Variants in ARHGAP32 observed in about 807,000 individuals in gnomAD.
ARHGAP32 encodes Rho GTPase activating protein 32, also known as rho GTPase-activating protein 32.
Under a neutral mutation model 186.5 loss-of-function variants are expected in ARHGAP32, and 51 were observed. That is an observed-to-expected ratio of 0.27 (90% CI 0.22 to 0.35). ARHGAP32 has a LOEUF of 0.35. Ranked by LOEUF, ARHGAP32 falls within the 10% of genes least tolerant of loss-of-function variation. ARHGAP32 has a pLI of 1.00. For synonymous variants in ARHGAP32, 950 were observed against 964.3 expected (o/e 0.99, Z 0.27); for missense variants, 2,186 against 2,623.5 (o/e 0.83, Z 3.64).
intron 1 of ARHGAP32, among the ~76,000 whole-genome samples, chr11:129,226,234 T>C (rs1213200412): frequency 6.6e-6 from 1 of 152,176 alleles, no homozygotes; most frequent in African/African-American, 2.4e-5. Context: ...AAAGAAATCA[T>C]GGCCAAAACC....
intron 6 of ARHGAP32, among the ~76,000 whole-genome samples, chr11:129,070,228 G>A (rs946174047): frequency 2.0e-5 from 3 of 152,022 alleles, no homozygotes; most frequent in African/African-American, 4.8e-5. Flanking sequence ...GTTGTCAGAA[G>A]AGTAAGTGAA....
At chr11:129,073,966 A>G (rs1940955238) in intron 6 of ARHGAP32, among the ~76,000 whole-genome samples, 1 of 152,202 alleles carries the variant, frequency 6.6e-6, no homozygotes. Flanking sequence ...ACCCCTACCC[A>G]GCAACCTAGA....
At chr11:129,036,576 G>A (rs1263239061) in intron 11 of ARHGAP32, among the ~76,000 whole-genome samples, 1 of 151,960 alleles carries the variant, frequency 6.6e-6, no homozygotes, top group Non-Finnish European at 1.5e-5. Context: ...AATATGTGCA[G>A]GAAATTAAAT....
intron 10 of ARHGAP32, among the ~76,000 whole-genome samples, chr11:129,043,389 T>TC (rs1378677485): frequency 2.7e-5 from 4 of 146,484 alleles, no homozygotes; most frequent in East Asian, 2.0e-4. Flanking sequence ...TTCTTTTTTT[T>TC]TTTTTTTTTT....
At chr11:129,241,233 T>C (rs1945013386) in intron 1 of ARHGAP32, among the ~76,000 whole-genome samples, 1 of 152,306 alleles carries the variant, frequency 6.6e-6, no homozygotes, top group South Asian at 2.1e-4. Context: ...TTAAAGGACA[T>C]AGATACATGG....
chr11:129,132,940 A>C (rs1014433224), intron 2 of ARHGAP32, among the ~76,000 whole-genome samples: 4 of 152,212 alleles, frequency 2.6e-5, no homozygotes, highest in African/African-American at 7.2e-5. Context: ...TCCCAAATAA[A>C]AAATACTGGC....
rs1343573606 is a variant in ARHGAP32 at position 129,168,237 on chromosome 11, A to G, written c.117-3810T>C. Among the ~76,000 whole-genome samples, 3 of 152,150 alleles carry G rather than the reference A, an allele frequency of 2.0e-5. No homozygotes were observed. In the East Asian group the frequency reaches 5.8e-4, roughly 29 times the overall value. On this transcript the variant is annotated intron_variant, in intron 1 of 22. Coordinates refer to ENST00000682385, the MANE Select transcript of ARHGAP32 (RefSeq NM_001378024.1). ...CTCCAGCCTGGGTGACAGAAAAGCAACTTGTCTCAAAATAAAAAGCAATAA... is the reference window on the plus strand; with the variant it reads ...CTCCAGCCTGGGTGACAGAAAAGCAGCTTGTCTCAAAATAAAAAGCAATAA...
At chr11:129,226,624 C>A (rs1309642153) in intron 1 of ARHGAP32, among the ~76,000 whole-genome samples, 2 of 151,904 alleles carry the variant, frequency 1.3e-5, no homozygotes, top group East Asian at 3.9e-4. Flanking sequence ...AAACTAACAG[C>A]AAAATGGAAG....
At chr11:129,109,058 T>A (rs1236777558) in intron 5 of ARHGAP32, among the ~76,000 whole-genome samples, 1 of 152,166 alleles carries the variant, frequency 6.6e-6, no homozygotes, top group Non-Finnish European at 1.5e-5. Context: ...ATCAAACTTC[T>A]TCATCATGTT....
At chr11:128,987,197 G>A (rs1266692548) in intron 13 of ARHGAP32, among the ~76,000 whole-genome samples, 1 of 152,172 alleles carries the variant, frequency 6.6e-6, no homozygotes, top group East Asian at 1.9e-4. Flanking sequence ...ATTAGAATGA[G>A]TAAAATAAAA....
rs76063930 is a variant in ARHGAP32, at chr11:129,133,966, C to G, written c.226-9072G>C. On this transcript the variant is annotated intron_variant, in intron 2 of 22. Transcript: ENST00000682385. The stretch of plus-strand genomic sequence containing the variant: ...AAAGTTTATGTGATCTATATAAAAA[C>G]TTTAACATAACGATGGTAGATAAGG... Among the ~76,000 whole-genome samples, 1,448 of 152,210 alleles carry G rather than the reference C, an allele frequency of 9.5e-3. 18 individuals are homozygous for G. The highest frequency in any genetic ancestry group is 0.027 in the Middle Eastern group (8 of 294).
At chr11:129,255,227 G>A (rs117113296) in intron 1 of ARHGAP32, among the ~76,000 whole-genome samples, 139 of 152,152 alleles carry the variant, frequency 9.1e-4, no homozygotes, top group Non-Finnish European at 1.4e-3. Flanking sequence ...GTCGAGTAAC[G>A]ACCCACACGT....
intron 5 of ARHGAP32, among the ~76,000 whole-genome samples, chr11:129,103,109 T>C (rs900204668): frequency 3.3e-5 from 5 of 152,172 alleles, no homozygotes; most frequent in Non-Finnish European, 7.4e-5. Flanking sequence ...ACAACAGGGA[T>C]GAACACTGTG....
chr11:128,972,003 T>C (rs1315312844), intron 22 of ARHGAP32: 1 of 153,032 alleles, frequency 6.5e-6, no homozygotes, highest in Non-Finnish European at 1.5e-5. Context: ...CAGACAGTCT[T>C]ACGAATGTTT....
chr11:129,002,233 G>A (rs1255872503), intron 11 of ARHGAP32, among the ~76,000 whole-genome samples: 3 of 152,070 alleles, frequency 2.0e-5, no homozygotes, highest in African/African-American at 7.2e-5. Context: ...CATGAACGTG[G>A]AATACCTTTC....
intron 1 of ARHGAP32, among the ~76,000 whole-genome samples, chr11:129,256,266 C>T (rs994254611): frequency 1.3e-5 from 2 of 151,886 alleles, no homozygotes; most frequent in Non-Finnish European, 2.9e-5. Flanking sequence ...GTTCTATGCA[C>T]GTACTCAACA....
At chr11:129,019,010 T>G (rs1177088830) in intron 11 of ARHGAP32, among the ~76,000 whole-genome samples, 1 of 152,166 alleles carries the variant, frequency 6.6e-6, no homozygotes, top group Admixed American at 6.5e-5. Context: ...TGGCGATGTG[T>G]TTTTCCAGTT....
chr11:129,242,635 A>G (rs901709717), intron 1 of ARHGAP32, among the ~76,000 whole-genome samples: 3 of 151,200 alleles, frequency 2.0e-5, no homozygotes, highest in African/African-American at 7.3e-5. Flanking sequence ...GGAGAATGGC[A>G]TGAACCCGGG....
intron 15 of ARHGAP32, among the ~76,000 whole-genome samples, chr11:128,984,149 G>A (rs1945795406): frequency 6.6e-6 from 1 of 152,114 alleles, no homozygotes; most frequent in Non-Finnish European, 1.5e-5. Flanking sequence ...TGAGGTGGGT[G>A]GATCACCTGA....
Sources: gnomAD v4.1 joint callset for allele counts (sites outside exome capture counted in the v4.1 genomes callset) on GRCh38, gnomAD v4.1.1 for gene constraint, MANE v1.5 for transcripts, NCBI Gene and HGNC (gene_info 2026-07-23, HGNC 2026-07-21) for gene names.